The following ZNF254 variants were observed in gnomAD, a reference collection of about 807,000 sequenced individuals.
The protein encoded by ZNF254 is CTD-2017D11.1.
In ZNF254, 10 loss-of-function variants were observed where a neutral mutation model predicts 12.4. The ratio of observed to expected loss-of-function variants is 0.80; its 90% CI spans 0.50 to 1.36. The LOEUF is 1.36. Ranked by LOEUF, ZNF254 falls within the 40% of genes most tolerant of loss-of-function variation. ZNF254 has a pLI of 0.00. For missense variants in ZNF254, 996 were observed against 763.9 expected (o/e 1.30, Z -3.58); for synonymous variants, 305 against 253.4 (o/e 1.20, Z -1.93).
rs1381871987 is a variant in ZNF254, at chr19:24,106,074, TA to T, written c.157+10del. ...GAAACCTGGCCTTCCTGGGTGAGGA[TA>T]ACTTTAATACAAAATTCCTCACATA... On this transcript the variant is annotated intron_variant, in intron 2 of 3. Coordinates refer to ENST00000357002, the MANE Select transcript of ZNF254 (RefSeq NM_203282.4). 1.5e-5 allele frequency: 23 copies of T among 1,578,268 alleles called. No homozygotes were observed. Among genetic ancestry groups the T allele is most frequent in the Non-Finnish European group, 1.9e-5 (22 of 1,162,280 alleles).
Position 24,129,941 on chromosome 19 carries a change from TTAAAGA to T in ZNF254, c.*1966_*1971del, listed in dbSNP as rs1975124967. 6.6e-6 allele frequency: 1 copy of T among 152,136 alleles called. No individual in the cohort carries two copies. The highest frequency in any genetic ancestry group is 1.5e-5 in the Non-Finnish European group (1 of 68,004). The allele number at this position is 152,136 out of a possible 1,614,324, so 9.4% of individuals were successfully genotyped here. On this transcript the variant is annotated 3_prime_UTR_variant, in exon 4 of 4. Coordinates refer to ENST00000357002, the MANE Select transcript of ZNF254 (RefSeq NM_203282.4). ...ACATAAAATTAAATATATACTTCTATTAAAGATAAACCTTAGGTGTAAATAAATTAT... is the reference window on the plus strand; with the variant it reads ...ACATAAAATTAAATATATACTTCTATTAAACCTTAGGTGTAAATAAATTAT...
chr19:24,100,682 CTTTT>C (rs201165548), intron 1 of ZNF254, among the ~76,000 whole-genome samples: 3 of 133,480 alleles, frequency 2.2e-5, no homozygotes, highest in Non-Finnish European at 3.1e-5. Context: ...GTCTCTCTCT[CTTTT>C]TTTTTTTTTG....
chr19:24,111,756 G>A (rs1973696854), intron 3 of ZNF254, among the ~76,000 whole-genome samples: 1 of 151,598 alleles, frequency 6.6e-6, no homozygotes, highest in Admixed American at 6.6e-5. Context: ...GTCTTCTTTT[G>A]AGAAGTGTCT....
intron 1 of ZNF254, among the ~76,000 whole-genome samples, chr19:24,097,955 A>G (rs1006284557): frequency 2.0e-5 from 3 of 152,106 alleles, no homozygotes; most frequent in Non-Finnish European, 4.4e-5. Flanking sequence ...TTTGTAGACA[A>G]CCTCATTCAA....
intron 3 of ZNF254, among the ~76,000 whole-genome samples, chr19:24,124,192 A>G (rs943581888): frequency 1.3e-5 from 2 of 152,130 alleles, no homozygotes; most frequent in Non-Finnish European, 2.9e-5. Flanking sequence ...AGATACAACA[A>G]CATATTTTAA....
At chr19:24,123,333 T>A (rs188401435) in intron 3 of ZNF254, among the ~76,000 whole-genome samples, 46 of 152,310 alleles carry the variant, frequency 3.0e-4, no homozygotes, top group Middle Eastern at 3.4e-3. Context: ...TAAGATGTGG[T>A]TTATCAAGTA....
intron 1 of ZNF254, among the ~76,000 whole-genome samples, chr19:24,044,603 G>C (rs1312065718): frequency 6.6e-6 from 1 of 151,860 alleles, no homozygotes; most frequent in African/African-American, 2.4e-5. Flanking sequence ...ATATTGATTC[G>C]TGTTTATATT....
intron 2 of ZNF254, among the ~76,000 whole-genome samples, chr19:24,075,610 A>G (rs553262096): frequency 1.4e-3 from 211 of 152,292 alleles, no homozygotes; most frequent in Non-Finnish European, 2.4e-3. Context: ...GGGGCAGAGC[A>G]AGATCACAAG....
intron 1 of ZNF254, among the ~76,000 whole-genome samples, chr19:24,039,857 TAGAC>T (rs1334684126): frequency 2.0e-5 from 3 of 152,190 alleles, no homozygotes; most frequent in African/African-American, 7.2e-5. Context: ...AGGGACATCA[TAGAC>T]AGAAGAGTTG....
chr19:24,059,479 G>A (rs1405071141), intron 2 of ZNF254, among the ~76,000 whole-genome samples: 1 of 152,134 alleles, frequency 6.6e-6, no homozygotes, highest in Non-Finnish European at 1.5e-5. Context: ...TTCACAGGGG[G>A]CATTGTGACA....
chr19:24,087,166 C>A, upstream of ZNF254: 3 of 1,092,504 alleles, frequency 2.7e-6, no homozygotes, highest in Non-Finnish European at 4.1e-6. Flanking sequence ...CTGGACAAAG[C>A]GGCTTCCGGG....
chr19:24,115,325 C>G (rs938646674), intron 3 of ZNF254, among the ~76,000 whole-genome samples: 2 of 152,116 alleles, frequency 1.3e-5, no homozygotes, highest in Admixed American at 1.3e-4. Context: ...CACATATACA[C>G]CATGGAATAC....
At chr19:24,050,672 G>A (rs1190872780) in intron 2 of ZNF254, among the ~76,000 whole-genome samples, 1 of 152,222 alleles carries the variant, frequency 6.6e-6, no homozygotes, top group Non-Finnish European at 1.5e-5. Flanking sequence ...CTGAGGTTGT[G>A]TGACTCTCTT....
chr19:24,118,485 C>A (rs1021895279), intron 3 of ZNF254, among the ~76,000 whole-genome samples: 1 of 151,752 alleles, frequency 6.6e-6, no homozygotes, highest in Non-Finnish European at 1.5e-5. Context: ...TTTTTTGTGT[C>A]CTTTCAAATT....
At position 24,105,915 on chromosome 19, in the gene ZNF254, ATGTGTGTTTG is replaced by A. The variant is rs1973312066; in HGVS notation, c.31-15_31-6del. 2 of 1,577,042 alleles carry A rather than the reference ATGTGTGTTTG, an allele frequency of 1.3e-6. No homozygotes were observed. The highest frequency in any genetic ancestry group is 8.6e-7 in the Non-Finnish European group (1 of 1,157,172). ...TTCTGCCGATAGCCACTTTGTAAAT[ATGTGTGTTTG>A]TGTGTGTTTTCCAGGGACTGTTGAC... On this transcript the variant is annotated splice_polypyrimidine_tract_variant and intron_variant, in intron 1 of 3. Transcript: ENST00000357002.
chr19:24,072,236 A>G (rs1971507885), intron 2 of ZNF254, among the ~76,000 whole-genome samples: 2 of 150,840 alleles, frequency 1.3e-5, no homozygotes, highest in Admixed American at 1.3e-4. Flanking sequence ...CAGTGGCATG[A>G]TCTCGGCTCA....
Position 24,128,656 on chromosome 19 carries a change from A to G in ZNF254, c.*676A>G, listed in dbSNP as rs1975055152. On this transcript the variant is annotated 3_prime_UTR_variant, in exon 4 of 4. Transcript: ENST00000357002. Reference sequence around the variant, plus strand: ...ATAAAACACCAAAGTGTTCATACTAAAATATATTTTTGCAGATACATTAAA... The same window carrying G: ...ATAAAACACCAAAGTGTTCATACTAGAATATATTTTTGCAGATACATTAAA... 6.6e-6 allele frequency: 1 copy of G among 152,100 alleles called. No homozygotes were observed. Among genetic ancestry groups the G allele is most frequent in the Non-Finnish European group, 1.5e-5 (1 of 67,948 alleles). 9.4% of individuals were successfully genotyped at this position (152,100 alleles called of 1,614,324 possible).
chr19:24,087,395 GAAGCGGCTGTGGCGGGACTCA>G, intron 1 of ZNF254, 58 bp downstream of exon 1: 1 of 1,610,500 alleles, frequency 6.2e-7, no homozygotes. Context: ...GAACTGGTGG[GAAGCGGCTGTGGCGGGACTCA>G]GGCCTCCCCC....
At chr19:24,096,546 T>TTTGAA (rs1157402316) in intron 1 of ZNF254, among the ~76,000 whole-genome samples, 1 of 152,214 alleles carries the variant, frequency 6.6e-6, no homozygotes, top group Non-Finnish European at 1.5e-5. Flanking sequence ...TTTTGAGTTT[T>TTTGAA]TTGAATTTGC....
Sources: allele counts gnomAD v4.1 joint callset (sites outside exome capture counted in the v4.1 genomes callset), GRCh38; gene constraint gnomAD v4.1.1; transcripts MANE v1.5; gene names NCBI Gene and HGNC (gene_info 2026-07-23, HGNC 2026-07-21).